DYM: variants seen among roughly 807,000 people sequenced by gnomAD.
DYM encodes the protein dymeclin.
DYM carries 78 observed loss-of-function variants against 93.1 expected under a neutral mutation model. That is an observed-to-expected ratio of 0.84 (90% CI 0.70 to 1.01). The LOEUF is 1.01. Among genes scored for constraint, DYM ranks in the 50% least tolerant of loss-of-function variants. The probability of loss-of-function intolerance (pLI) is 0.00; values close to 1 mark genes in which losing one functional copy is unlikely to be tolerated. For synonymous variants in DYM, 321 were observed against 319.7 expected, an observed-to-expected ratio of 1.00 and a Z score of -0.04; for missense variants, 789 against 845.0, an observed-to-expected ratio of 0.93 and a Z score of 0.82.
At chr18:49,214,535 T>C (rs537112697) in intron 13 of DYM, among the ~76,000 whole-genome samples, 1 of 144,420 alleles carries the variant, frequency 6.9e-6, no homozygotes, top group Admixed American at 7.0e-5. Context: ...TACATTTAAA[T>C]AGAGGGAGAT....
intron 6 of DYM, among the ~76,000 whole-genome samples, chr18:49,354,924 T>A (rs1200072671): frequency 2.6e-5 from 4 of 152,028 alleles, no homozygotes; most frequent in Non-Finnish European, 4.4e-5. Flanking sequence ...CTACTCTGTA[T>A]GATATGACAA....
At chr18:49,226,956 C>T (rs1238081736) in intron 13 of DYM, among the ~76,000 whole-genome samples, 1 of 152,010 alleles carries the variant, frequency 6.6e-6, no homozygotes, top group Non-Finnish European at 1.5e-5. Flanking sequence ...AATTAAGATA[C>T]TTGTTTTAAA....
intron 13 of DYM, among the ~76,000 whole-genome samples, chr18:49,220,044 A>C (rs1363418469): frequency 1.3e-5 from 2 of 152,124 alleles, no homozygotes; most frequent in Non-Finnish European, 2.9e-5. Flanking sequence ...CTGATAAGCA[A>C]CTTCAGCAAA....
At chr18:49,356,366 T>C (rs1300373107) in intron 6 of DYM, among the ~76,000 whole-genome samples, 2 of 152,208 alleles carry the variant, frequency 1.3e-5, no homozygotes, top group Non-Finnish European at 2.9e-5. Flanking sequence ...TAATACGTAA[T>C]ACTGTCTTGG....
rs117994833 is a variant in DYM at position 49,056,088 on chromosome 18, A to G, written c.2026-11884T>C. ...CTGGGGGAGGTGCAGGCTGAAGGAAACTTTGGGGTTTCTCAAGTCGTTCCT... is the reference window on the plus strand; with the variant it reads ...CTGGGGGAGGTGCAGGCTGAAGGAAGCTTTGGGGTTTCTCAAGTCGTTCCT... On this transcript the variant is annotated intron_variant, in intron 17 of 17. Coordinates refer to ENST00000675505, the MANE Select transcript of DYM (RefSeq NM_001353214.3). 2.3e-3 allele frequency among the ~76,000 whole-genome samples: 348 copies of G among 152,152 alleles called. 5 individuals are homozygous for G. In the East Asian group the frequency reaches 0.032, roughly 14 times the overall value.
chr18:49,247,841 G>A (rs1306792674), intron 13 of DYM, among the ~76,000 whole-genome samples: 1 of 152,174 alleles, frequency 6.6e-6, no homozygotes, highest in Non-Finnish European at 1.5e-5. Flanking sequence ...CTGTCTAAAT[G>A]TTCTCAATGT....
At chr18:49,230,380 C>A (rs1276543444) in intron 13 of DYM, among the ~76,000 whole-genome samples, 2 of 152,088 alleles carry the variant, frequency 1.3e-5, no homozygotes, top group Admixed American at 1.3e-4. Context: ...TGATATCAAG[C>A]CCCTTATAAT....
intron 17 of DYM, among the ~76,000 whole-genome samples, chr18:49,059,492 T>C (rs898325466): frequency 3.3e-5 from 5 of 152,152 alleles, no homozygotes; most frequent in African/African-American, 1.2e-4. Context: ...AAAATAATGG[T>C]CATCTTTGCC....
At chr18:49,389,562 T>C (rs1026009454) in intron 3 of DYM, among the ~76,000 whole-genome samples, 2 of 152,154 alleles carry the variant, frequency 1.3e-5, no homozygotes, top group African/African-American at 4.8e-5. Flanking sequence ...AGTGGCGCCA[T>C]CATGGTTCCC....
chr18:49,214,452 G>A (rs982021592), intron 13 of DYM, among the ~76,000 whole-genome samples: 10 of 151,824 alleles, frequency 6.6e-5, no homozygotes, highest in Non-Finnish European at 1.3e-4. Flanking sequence ...TTCTGCCCCT[G>A]TCCGTGGAAA....
intron 1 of DYM, among the ~76,000 whole-genome samples, chr18:49,444,199 G>A (rs183265319): frequency 6.4e-4 from 97 of 152,292 alleles, no homozygotes; most frequent in Non-Finnish European, 2.9e-4. Flanking sequence ...TTATTGAACC[G>A]TAATGTCACA....
intron 17 of DYM, among the ~76,000 whole-genome samples, chr18:49,073,345 A>G (rs2144944807): frequency 6.6e-6 from 1 of 152,380 alleles, no homozygotes; most frequent in East Asian, 1.9e-4. Context: ...AAGTACAAAT[A>G]TGTTTACTGA....
At chr18:49,289,367 C>T (rs2939613) in intron 8 of DYM, among the ~76,000 whole-genome samples, 129,462 of 137,480 alleles carry the variant, frequency 0.94, 60,916 homozygotes, top group East Asian at 1. Flanking sequence ...TCGTAACATG[C>T]ATAACAAAAG....
At chr18:49,161,120 T>TC (rs1407296152) in intron 15 of DYM, among the ~76,000 whole-genome samples, 2 of 150,990 alleles carry the variant, frequency 1.3e-5, no homozygotes, top group African/African-American at 2.4e-5. Flanking sequence ...AATGACAGAT[T>TC]CCAAATGGAA....
intron 17 of DYM, among the ~76,000 whole-genome samples, chr18:49,079,945 C>T (rs1386950472): frequency 1.3e-5 from 2 of 150,862 alleles, no homozygotes; most frequent in Non-Finnish European, 1.5e-5. Context: ...GGGTGGTGGC[C>T]GGGCAGAGGG....
At chr18:49,314,185 T>C (rs548818379) in intron 8 of DYM, among the ~76,000 whole-genome samples, 26 of 152,332 alleles carry the variant, frequency 1.7e-4, no homozygotes, top group East Asian at 1.9e-4. Flanking sequence ...CTAAATGACA[T>C]AGTTTAATTT....
chr18:49,390,466 A>G (rs1340571454), intron 3 of DYM, among the ~76,000 whole-genome samples: 2 of 151,992 alleles, frequency 1.3e-5, no homozygotes, highest in African/African-American at 4.8e-5. Flanking sequence ...AACTGTTTTT[A>G]GCAAAATAGT....
chr18:49,403,589 T>A, intron 2 of DYM, among the ~76,000 whole-genome samples: 1 of 152,222 alleles, frequency 6.6e-6, no homozygotes. Flanking sequence ...TTATTTTTTT[T>A]AAATTTCAAC....
chr18:49,172,856 A>C (rs1299431082), intron 14 of DYM, among the ~76,000 whole-genome samples: 4 of 152,128 alleles, frequency 2.6e-5, no homozygotes, highest in Non-Finnish European at 5.9e-5. Context: ...TCTTTGCCTA[A>C]TCCAAGATCC....
Sources: gnomAD v4.1 joint callset for allele counts (sites outside exome capture counted in the v4.1 genomes callset) on GRCh38, gnomAD v4.1.1 for gene constraint, MANE v1.5 for transcripts, NCBI Gene and HGNC (gene_info 2026-07-23, HGNC 2026-07-21) for gene names.